Variants in TIAM1 observed in about 807,000 individuals in gnomAD.
TIAM1 encodes the protein TIAM Rac1 associated GEF 1.
A neutral mutation model predicts 163.5 loss-of-function variants in TIAM1; 65 were observed. The ratio of observed to expected loss-of-function variants is 0.40; its 90% CI spans 0.33 to 0.49. TIAM1 has a LOEUF of 0.49. Among genes scored for constraint, TIAM1 ranks in the 20% least tolerant of loss-of-function variants. The probability of loss-of-function intolerance (pLI) is 0.77; values close to 1 mark genes in which losing one functional copy is unlikely to be tolerated. For synonymous variants in TIAM1, 833 were observed against 810.1 expected, an observed-to-expected ratio of 1.03 and a Z score of -0.48; for missense variants, 1,789 against 2,044.7, an observed-to-expected ratio of 0.87 and a Z score of 2.41.
intron 1 of TIAM1, among the ~76,000 whole-genome samples, chr21:31,525,060 A>G (rs1429587159): frequency 6.6e-6 from 1 of 152,008 alleles, no homozygotes; most frequent in African/African-American, 2.4e-5. Flanking sequence ...GGAGGAGGAA[A>G]AGAGAGAGGG....
At chr21:31,553,093 T>C (rs996733916) in intron 1 of TIAM1, among the ~76,000 whole-genome samples, 1 of 152,162 alleles carries the variant, frequency 6.6e-6, no homozygotes, top group Non-Finnish European at 1.5e-5. Flanking sequence ...ATTTAAAACA[T>C]ACTCAGAGTT....
chr21:31,546,212 A>G (rs190022421), intron 1 of TIAM1, among the ~76,000 whole-genome samples: 29 of 150,468 alleles, frequency 1.9e-4, no homozygotes, highest in African/African-American at 6.6e-4. Context: ...ACTGTGATGG[A>G]ATCTTCCAGA....
chr21:31,300,219 C>T (rs1325165912), intron 2 of TIAM1, among the ~76,000 whole-genome samples: 1 of 152,188 alleles, frequency 6.6e-6, no homozygotes, highest in Non-Finnish European at 1.5e-5. Flanking sequence ...CACACTCTGG[C>T]ATGAATGGAA....
intron 1 of TIAM1, among the ~76,000 whole-genome samples, chr21:31,554,701 G>C (rs777495962): frequency 2.0e-5 from 3 of 151,936 alleles, no homozygotes; most frequent in African/African-American, 7.2e-5. Flanking sequence ...TCATGCCTGC[G>C]TAGTACCCCC....
chr21:31,151,675 T>C (rs2083377976), intron 19 of TIAM1, among the ~76,000 whole-genome samples: 1 of 152,188 alleles, frequency 6.6e-6, no homozygotes, highest in Non-Finnish European at 1.5e-5. Flanking sequence ...GGTGTGTGTG[T>C]GTGAATTCAT....
intron 6 of TIAM1, among the ~76,000 whole-genome samples, chr21:31,226,350 A>T (rs976743453): frequency 6.6e-6 from 1 of 152,200 alleles, no homozygotes; most frequent in Non-Finnish European, 1.5e-5. Context: ...CATTACTGAC[A>T]TAGGAAGCTA....
chr21:31,213,527 A>C, intron 9 of TIAM1, 55 bp from the exon 10 acceptor site: 1 of 1,510,954 alleles, frequency 6.6e-7, no homozygotes, highest in East Asian at 2.3e-5. Flanking sequence ...GGGCAAACGA[A>C]ACGTAGGAAG....
intron 3 of TIAM1, among the ~76,000 whole-genome samples, chr21:31,272,805 T>G (rs1395728216): frequency 6.6e-6 from 1 of 152,164 alleles, no homozygotes; most frequent in African/African-American, 2.4e-5. Flanking sequence ...TTCAATGAAT[T>G]AGGCAACAAC....
chr21:31,505,433 A>G (rs1281091605), intron 1 of TIAM1, among the ~76,000 whole-genome samples: 2 of 149,418 alleles, frequency 1.3e-5, no homozygotes, highest in African/African-American at 4.9e-5. Context: ...AGAGATCAAG[A>G]AAAAAAAAAG....
intron 1 of TIAM1, among the ~76,000 whole-genome samples, chr21:31,518,954 G>A (rs930333406): frequency 6.6e-6 from 1 of 152,172 alleles, no homozygotes; most frequent in Non-Finnish European, 1.5e-5. Context: ...CAACACTTTG[G>A]GAGGACAAGG....
chr21:31,491,008 C>A (rs1245942723), intron 1 of TIAM1, among the ~76,000 whole-genome samples: 1 of 152,156 alleles, frequency 6.6e-6, no homozygotes, highest in Non-Finnish European at 1.5e-5. Context: ...GCCTGTAATC[C>A]CAACTACTCC....
intron 15 of TIAM1, among the ~76,000 whole-genome samples, chr21:31,173,888 G>A (rs189078942): frequency 4.8e-4 from 73 of 152,188 alleles, no homozygotes; most frequent in Non-Finnish European, 8.8e-4. Context: ...AGGATTTGAC[G>A]GTGTCATCAG....
intron 1 of TIAM1, among the ~76,000 whole-genome samples, chr21:31,549,843 G>T (rs1601069738): frequency 6.6e-6 from 1 of 152,104 alleles, no homozygotes; most frequent in Non-Finnish European, 1.5e-5. Context: ...TTTTTAAAAG[G>T]CCGGGCGTGG....
intron 1 of TIAM1, among the ~76,000 whole-genome samples, chr21:31,546,685 T>C (rs1246391525): frequency 2.0e-5 from 3 of 152,130 alleles, no homozygotes; most frequent in East Asian, 3.9e-4. Context: ...ATTTTATTCA[T>C]GGCAAAGGAA....
intron 1 of TIAM1, among the ~76,000 whole-genome samples, chr21:31,539,328 C>T (rs371638513): frequency 1.3e-5 from 2 of 150,106 alleles, no homozygotes; most frequent in East Asian, 1.9e-4. Context: ...TGCAGTGGCA[C>T]GATCTCGGCT....
chr21:31,340,150 C>G (rs560224790), intron 1 of TIAM1, among the ~76,000 whole-genome samples: 2 of 151,490 alleles, frequency 1.3e-5, no homozygotes, highest in African/African-American at 4.9e-5. Flanking sequence ...GCTCACAATC[C>G]CTTTCCATCC....
intron 23 of TIAM1, among the ~76,000 whole-genome samples, chr21:31,135,040 C>T (rs1026760129): frequency 9.2e-5 from 14 of 151,954 alleles, no homozygotes; most frequent in African/African-American, 2.2e-4. Context: ...AAGCAACCTC[C>T]GTTCCCAGCA....
chr21:31,334,341 A>G (rs1051201345), intron 2 of TIAM1, among the ~76,000 whole-genome samples: 13 of 150,744 alleles, frequency 8.6e-5, no homozygotes, highest in Non-Finnish European at 1.8e-4. Context: ...CTTGAGTGCA[A>G]TGGCGTGGTT....
intron 2 of TIAM1, among the ~76,000 whole-genome samples, chr21:31,399,412 A>C (rs1270132254): frequency 1.3e-5 from 2 of 152,202 alleles, no homozygotes; most frequent in East Asian, 3.8e-4. Flanking sequence ...AACTAAATTA[A>C]ATAATTATAT....
Sources: allele counts gnomAD v4.1 joint callset (sites outside exome capture counted in the v4.1 genomes callset), GRCh38; gene constraint gnomAD v4.1.1; transcripts MANE v1.5; gene names NCBI Gene and HGNC (gene_info 2026-07-23, HGNC 2026-07-21).